Variants in IMMP2L observed in about 807,000 individuals in gnomAD.
IMMP2L encodes inner mitochondrial membrane peptidase subunit 2.
Under a neutral mutation model 19.3 loss-of-function variants are expected in IMMP2L, and 18 were observed. That is an observed-to-expected ratio of 0.93 (90% confidence interval 0.64 to 1.38). The LOEUF (loss-of-function observed/expected upper bound fraction) is 1.38. IMMP2L is among the 40% of genes most tolerant of loss of function. The pLI is 0.00. For synonymous variants in IMMP2L, 76 were observed against 73.0 expected (o/e 1.04, Z -0.21); for missense variants, 233 against 218.2 (o/e 1.07, Z -0.43).
chr7:111,404,568 C>A (rs767227267), intron 3 of IMMP2L, among the ~76,000 whole-genome samples: 2 of 151,972 alleles, frequency 1.3e-5, no homozygotes, highest in Non-Finnish European at 2.9e-5. Context: ...GAAAACTCAA[C>A]CACTTAACTA....
chr7:111,555,921 C>G (rs954735252), intron 1 of IMMP2L, among the ~76,000 whole-genome samples: 1 of 149,882 alleles, frequency 6.7e-6, no homozygotes, highest in African/African-American at 2.4e-5. Flanking sequence ...TTGGTACAAC[C>G]ATTATGGAAA....
chr7:111,324,629 T>C (rs780384319), intron 3 of IMMP2L, among the ~76,000 whole-genome samples: 15 of 151,862 alleles, frequency 9.9e-5, no homozygotes, highest in Admixed American at 2.0e-4. Context: ...ATGTGTAATA[T>C]AATGTTTAAG....
chr7:111,321,412 T>A (rs1824699013), intron 3 of IMMP2L, among the ~76,000 whole-genome samples: 1 of 152,022 alleles, frequency 6.6e-6, no homozygotes, highest in South Asian at 2.1e-4. Flanking sequence ...TTTTGAGTGC[T>A]CCTGAGAAGC....
At chr7:111,320,558 C>T (rs1331161430) in intron 3 of IMMP2L, among the ~76,000 whole-genome samples, 4 of 152,030 alleles carry the variant, frequency 2.6e-5, no homozygotes, top group Admixed American at 6.6e-5. Context: ...AACTCTTTAA[C>T]ACTGTTTACA....
At chr7:110,982,467 C>T (rs1821402389) in intron 3 of IMMP2L, among the ~76,000 whole-genome samples, 1 of 152,034 alleles carries the variant, frequency 6.6e-6, no homozygotes, top group Non-Finnish European at 1.5e-5. Flanking sequence ...AAAATTTGCA[C>T]CTTTGTTGGC....
At chr7:111,548,864 C>T (rs1849187619) in intron 1 of IMMP2L, among the ~76,000 whole-genome samples, 1 of 152,130 alleles carries the variant, frequency 6.6e-6, no homozygotes, top group Admixed American at 6.5e-5. Context: ...GTCATAAGTG[C>T]TTTAGAATCT....
At chr7:111,554,905 A>T (rs998845095) in intron 1 of IMMP2L, among the ~76,000 whole-genome samples, 3 of 151,646 alleles carry the variant, frequency 2.0e-5, no homozygotes, top group Admixed American at 6.6e-5. Context: ...TTATATATCC[A>T]TTTTTCTCAC....
At chr7:111,235,142 C>T (rs560401636) in intron 3 of IMMP2L, among the ~76,000 whole-genome samples, 5 of 152,074 alleles carry the variant, frequency 3.3e-5, no homozygotes, top group African/African-American at 9.6e-5. Context: ...TTTATTTCAT[C>T]TTTATTTTTG....
chr7:110,816,989 G>A (rs1264551536), intron 5 of IMMP2L, among the ~76,000 whole-genome samples: 3 of 152,124 alleles, frequency 2.0e-5, no homozygotes, highest in Non-Finnish European at 4.4e-5. Flanking sequence ...ATTGTTATGT[G>A]TGACTTTGGT....
At chr7:111,402,597 G>A (rs1001526476) in intron 3 of IMMP2L, among the ~76,000 whole-genome samples, 3 of 151,942 alleles carry the variant, frequency 2.0e-5, no homozygotes, top group Admixed American at 6.6e-5. Context: ...AGAAGTCCCA[G>A]CTACTCGAGA....
intron 3 of IMMP2L, among the ~76,000 whole-genome samples, chr7:111,420,901 T>C (rs151338166): frequency 0.011 from 1,641 of 151,914 alleles, 81 homozygotes; most frequent in African/African-American, 0.037. Flanking sequence ...GCATGATTTA[T>C]AATCCTTTGG....
At chr7:111,107,471 T>C (rs1197996934) in intron 3 of IMMP2L, among the ~76,000 whole-genome samples, 2 of 152,044 alleles carry the variant, frequency 1.3e-5, no homozygotes, top group Admixed American at 1.3e-4. Context: ...TGTATACTTA[T>C]ATTAAAGCCA....
chr7:111,424,023 G>T (rs1835840708), intron 3 of IMMP2L, among the ~76,000 whole-genome samples: 1 of 151,830 alleles, frequency 6.6e-6, no homozygotes, highest in Non-Finnish European at 1.5e-5. Context: ...GTAATTAAAT[G>T]AACAGTATAG....
At chr7:111,525,246 T>C (rs1038632743) in intron 1 of IMMP2L, among the ~76,000 whole-genome samples, 1 of 152,168 alleles carries the variant, frequency 6.6e-6, no homozygotes, top group Admixed American at 6.5e-5. Context: ...CCATGTCACA[T>C]GCCAAAGTCC....
intron 5 of IMMP2L, among the ~76,000 whole-genome samples, chr7:110,846,952 C>T (rs1805726965): frequency 6.6e-6 from 1 of 152,128 alleles, no homozygotes; most frequent in Non-Finnish European, 1.5e-5. Context: ...TTATTAGAGT[C>T]AAAGGTCTCC....
intron 5 of IMMP2L, among the ~76,000 whole-genome samples, chr7:110,867,600 A>T (rs1010425739): frequency 8.7e-5 from 13 of 149,662 alleles, no homozygotes; most frequent in Non-Finnish European, 1.3e-4. Context: ...AGTCCCACGT[A>T]TTTTTTTTTT....
chr7:110,849,609 T>A (rs1194432499), intron 5 of IMMP2L, among the ~76,000 whole-genome samples: 1 of 152,130 alleles, frequency 6.6e-6, no homozygotes, highest in East Asian at 1.9e-4. Context: ...ATAATGATGT[T>A]TATCACGTAT....
chr7:111,383,606 CT>C (rs1268082826), intron 3 of IMMP2L, among the ~76,000 whole-genome samples: 1 of 152,026 alleles, frequency 6.6e-6, no homozygotes, highest in Non-Finnish European at 1.5e-5. Flanking sequence ...TTAAACAGTA[CT>C]TTATTTCCCT....
rs141534579 is a variant in IMMP2L at position 111,062,809 on chromosome 7, A to G, written c.240-99244T>C. On this transcript the variant is annotated intron_variant, in intron 3 of 5. Transcript: ENST00000405709. ...ATCTCCTTTGACCCCATGTCTCACAACCAGTTTACACTGATGCAAGACATG... is the reference window on the plus strand; with the variant it reads ...ATCTCCTTTGACCCCATGTCTCACAGCCAGTTTACACTGATGCAAGACATG... Among the ~76,000 whole-genome samples the G allele has an allele frequency of 1.6e-3, 245 of 152,324 alleles. 1 individual carries two copies. The highest frequency in any genetic ancestry group is 3.0e-3 in the Non-Finnish European group (204 of 68,020).
Sources: allele counts gnomAD v4.1 joint callset (sites outside exome capture counted in the v4.1 genomes callset), GRCh38; gene constraint gnomAD v4.1.1; transcripts MANE v1.5; gene names NCBI Gene and HGNC (gene_info 2026-07-23, HGNC 2026-07-21).